Variants in KLHL13 observed in about 807,000 individuals in gnomAD.
The protein encoded by KLHL13 is kelch-like protein 13.
Under a neutral mutation model 37.1 loss-of-function variants are expected in KLHL13, and 10 were observed. The ratio of observed to expected loss-of-function variants is 0.27; its 90% CI spans 0.17 to 0.46. The LOEUF (loss-of-function observed/expected upper bound fraction) is 0.46. KLHL13 is among the 20% of genes least tolerant of loss of function. The probability of loss-of-function intolerance (pLI) is 1.00; values close to 1 mark genes in which losing one functional copy is unlikely to be tolerated. For synonymous variants in KLHL13, 163 were observed against 181.2 expected (o/e 0.90, Z 0.81); for missense variants, 360 against 509.3 (o/e 0.71, Z 2.82).
intron 1 of KLHL13, among the ~76,000 whole-genome samples, chrX:117,965,804 C>A (rs2147878612): frequency 9.0e-6 from 1 of 111,532 alleles, no homozygotes; most frequent in African/African-American, 3.3e-5. Context: ...CAACAAAAAC[C>A]ACATGATTAT....
chrX:118,021,047 C>T (rs182678693), intron 1 of KLHL13, among the ~76,000 whole-genome samples: 7,964 of 99,278 alleles, frequency 0.08, 323 homozygotes, highest in Middle Eastern at 0.13. Flanking sequence ...TGCTAGATGA[C>T]GAGTTAGTGG....
intron 1 of KLHL13, among the ~76,000 whole-genome samples, chrX:118,056,215 C>G: frequency 8.9e-6 from 1 of 111,808 alleles, no homozygotes; most frequent in East Asian, 2.8e-4. Context: ...ACAATTCCAT[C>G]AATGTAAACA....
At chrX:118,036,263 C>T (rs1179330534) in intron 1 of KLHL13, among the ~76,000 whole-genome samples, 3 of 110,496 alleles carry the variant, frequency 2.7e-5, no homozygotes, top group Non-Finnish European at 5.7e-5. Context: ...CATATGGAAC[C>T]AAAAAAGAGC....
chrX:118,065,038 C>T lies in KLHL13; in HGVS notation c.-56+51470G>A, dbSNP rs751401845. Among the ~76,000 whole-genome samples, 5 of 111,478 alleles carry T rather than the reference C, an allele frequency of 4.5e-5. No individual in the cohort carries two copies. In the South Asian group the frequency reaches 1.9e-3, roughly 42 times the overall value. ...AATATTAATTTTCTTTAGCCTATAA[C>T]ACCTTCAACTGCTGGATCGACAAGA... On this transcript the variant is annotated intron_variant, in intron 1 of 6. Transcript: ENST00000371882.
chrX:117,972,109 C>A (rs1454600496), intron 1 of KLHL13, among the ~76,000 whole-genome samples: 2 of 111,922 alleles, frequency 1.8e-5, no homozygotes, highest in Admixed American at 1.9e-4. Context: ...TTAAAACAGA[C>A]ATTTGTAGAA....
At chrX:118,086,021 T>G (rs2055051027) in intron 1 of KLHL13, among the ~76,000 whole-genome samples, 1 of 110,386 alleles carries the variant, frequency 9.1e-6, no homozygotes, top group Non-Finnish European at 1.9e-5. Flanking sequence ...CACTGCAACC[T>G]CTGCTTCCCG....
At chrX:118,071,982 T>C (rs1286877252) in intron 1 of KLHL13, among the ~76,000 whole-genome samples, 1 of 110,866 alleles carries the variant, frequency 9.0e-6, no homozygotes, top group Non-Finnish European at 1.9e-5. Flanking sequence ...AAAACTACTT[T>C]AAAGTTCATA....
chrX:118,093,445 G>C (rs754591219), intron 1 of KLHL13, among the ~76,000 whole-genome samples: 2 of 111,704 alleles, frequency 1.8e-5, no homozygotes, highest in South Asian at 7.4e-4. Context: ...GACAGAATCA[G>C]ATTTTAGGTC....
chrX:118,048,222 TAGG>T (rs1349165110), intron 1 of KLHL13, among the ~76,000 whole-genome samples: 1 of 111,722 alleles, frequency 9.0e-6, no homozygotes, highest in African/African-American at 3.2e-5. Flanking sequence ...GTTTTCATAA[TAGG>T]AGATACTAGA....
chrX:117,942,416 T>C (rs761737362), intron 2 of KLHL13, among the ~76,000 whole-genome samples: 1 of 111,333 alleles, frequency 9.0e-6, no homozygotes, highest in African/African-American at 3.3e-5. Flanking sequence ...CTGTCTAATA[T>C]TGTCAGTGGG....
At chrX:118,079,148 C>A (rs1485417146) in intron 1 of KLHL13, among the ~76,000 whole-genome samples, 1 of 109,973 alleles carries the variant, frequency 9.1e-6, no homozygotes, top group Non-Finnish European at 1.9e-5. Context: ...AAGAAAAGCA[C>A]AAATAGGGCA....
chrX:118,046,368 A>G (rs745628800), intron 1 of KLHL13, among the ~76,000 whole-genome samples: 4 of 112,136 alleles, frequency 3.6e-5, no homozygotes, highest in Non-Finnish European at 7.5e-5. Flanking sequence ...GACAGATGGT[A>G]GAATGATGGC....
chrX:118,028,395 T>C lies in KLHL13; in HGVS notation c.-55-82820A>G, dbSNP rs1457416548. On this transcript the variant is annotated intron_variant, in intron 1 of 6. Transcript: ENST00000371882. ...AGGTATATAAATAGGAAAGACGTTA[T>C]ATAAGTTAAACTATTTCCATAAATA... The C allele has an allele frequency of 1.9e-5, 18 of 967,902 alleles. No homozygotes were observed. The African/African-American group carries it at 3.3e-4, about 18-fold the overall frequency. 79.8% of individuals were successfully genotyped at this position (967,902 alleles called of 1,213,427 possible). A position where few individuals can be genotyped will look rare whatever the true frequency, so the allele number is the denominator to read the frequency against.
chrX:118,114,055 A>C (rs2055440698), intron 1 of KLHL13, among the ~76,000 whole-genome samples: 2 of 112,594 alleles, frequency 1.8e-5, no homozygotes, highest in African/African-American at 6.4e-5. Flanking sequence ...ATTTTCTGAA[A>C]TAATTCCTGG....
At chrX:117,936,758 T>C (rs1932773368) in intron 2 of KLHL13, among the ~76,000 whole-genome samples, 1 of 111,313 alleles carries the variant, frequency 9.0e-6, no homozygotes, top group Non-Finnish European at 1.9e-5. Flanking sequence ...GGTATACCCA[T>C]AACTTCTGAT....
At chrX:117,926,137 A>C (rs933960572) in intron 2 of KLHL13, among the ~76,000 whole-genome samples, 3 of 112,300 alleles carry the variant, frequency 2.7e-5, no homozygotes, top group African/African-American at 9.7e-5. Context: ...TACGTCCTGA[A>C]ACTCTTTAAA....
At chrX:117,897,890 G>A (rs1929835180) in exon 7 of KLHL13, 1 of 112,052 alleles carries the variant, frequency 8.9e-6, no homozygotes, top group African/African-American at 3.3e-5. Flanking sequence ...AGCTCTCCAG[G>A]TGAAGCTGCT....
intron 1 of KLHL13, among the ~76,000 whole-genome samples, chrX:118,070,539 C>T (rs2054846829): frequency 9.0e-6 from 1 of 110,719 alleles, no homozygotes; most frequent in Non-Finnish European, 1.9e-5. Flanking sequence ...ATGTTCTGTC[C>T]ATACTTGTGA....
At chrX:118,095,390 G>A (rs1281699078) in intron 1 of KLHL13, among the ~76,000 whole-genome samples, 23 of 111,223 alleles carry the variant, frequency 2.1e-4, no homozygotes, top group African/African-American at 7.2e-4. Context: ...GATTCATAAA[G>A]CAAGTCCTGA....
Sources: gnomAD v4.1 joint callset for allele counts (sites outside exome capture counted in the v4.1 genomes callset) on GRCh38, gnomAD v4.1.1 for gene constraint, MANE v1.5 for transcripts, NCBI Gene and HGNC (gene_info 2026-07-23, HGNC 2026-07-21) for gene names.